The following OC90 variants were observed in gnomAD, a reference collection of about 807,000 sequenced individuals.
OC90 encodes the protein otoconin 90.
In OC90, 46 loss-of-function variants were observed where a neutral mutation model predicts 47.3. The ratio of observed to expected loss-of-function variants is 0.97; its 90% CI spans 0.77 to 1.24. The LOEUF (loss-of-function observed/expected upper bound fraction) is 1.24. Ranked by LOEUF, OC90 falls within the 50% of genes most tolerant of loss-of-function variation. OC90 has a pLI of 0.00. For synonymous variants in OC90, 271 were observed against 219.5 expected, an observed-to-expected ratio of 1.23 and a Z score of -2.07; for missense variants, 688 against 583.9, an observed-to-expected ratio of 1.18 and a Z score of -1.84.
chr8:132,034,842 C>T lies in OC90; in HGVS notation c.680-8G>A, dbSNP rs774098009. On this transcript the variant is annotated splice_polypyrimidine_tract_variant and splice_region_variant and intron_variant, in intron 9 of 13. Coordinates refer to ENST00000254627, the MANE Select transcript of OC90 (RefSeq NM_001080399.3). ...CCTGATCGTGGCCTGCTTCTGTTCCCCAAAGAAGAGAGACAGCATGAGCAT... is the reference window on the plus strand; with the variant it reads ...CCTGATCGTGGCCTGCTTCTGTTCCTCAAAGAAGAGAGACAGCATGAGCAT... The T allele has an allele frequency of 1.1e-5, 18 of 1,610,988 alleles. No homozygotes were observed. Among genetic ancestry groups the T allele is most frequent in the South Asian group, 2.2e-5 (2 of 90,760 alleles).
chr8:132,043,889 T>G (rs1041694251), intron 4 of OC90, among the ~76,000 whole-genome samples: 1 of 152,252 alleles, frequency 6.6e-6, no homozygotes, highest in Admixed American at 6.5e-5. Flanking sequence ...TCTTTGTTCA[T>G]GTCAATCATA....
intron 2 of OC90, 125 bp from the exon 3 acceptor site, chr8:132,046,008 T>G: frequency 1.5e-6 from 1 of 659,784 alleles, no homozygotes; most frequent in Admixed American, 2.4e-5. Flanking sequence ...TCCATGCATA[T>G]TTCCTAGAGC....
At chr8:132,050,777 G>T (rs1823201802) in intron 2 of OC90, among the ~76,000 whole-genome samples, 1 of 152,148 alleles carries the variant, frequency 6.6e-6, no homozygotes, top group African/African-American at 2.4e-5. Context: ...GAGGCAGGCA[G>T]ATCACCTGAG....
At position 132,034,793 on chromosome 8, in the gene OC90, T is replaced by C; in HGVS notation, c.721A>G (p.Thr241Ala). 6 of 1,612,316 alleles carry C rather than the reference T, an allele frequency of 3.7e-6. No individual in the cohort carries two copies. Among genetic ancestry groups the C allele is most frequent in the Non-Finnish European group, 5.1e-6 (6 of 1,178,716 alleles). The change falls in exon 10 of 14, where the codon ACG (threonine) becomes GCG (alanine). Residue 241 changes from threonine to alanine, a missense_variant. Thr to Ala is a moderately conservative substitution (Grantham distance 58). Coordinates refer to ENST00000254627, the MANE Select transcript of OC90 (RefSeq NM_001080399.3). ...DQEGVGAARA[T>A]SPPGSAEIVA... ...CCAGTAGGCTTACCTGGAGGGGACG[T>C]AGCCCTAGCAGCTCCCACTCCTTCC...
intron 12 of OC90, 66 bp downstream of exon 12, chr8:132,031,815 A>G (rs1040367627): frequency 2.8e-6 from 4 of 1,431,202 alleles, no homozygotes; most frequent in African/African-American, 1.4e-5. Context: ...GAGGGCTGTC[A>G]CCACCCTCTG....
At chr8:132,046,930 A>T (rs973083630) in intron 2 of OC90, among the ~76,000 whole-genome samples, 2 of 152,188 alleles carry the variant, frequency 1.3e-5, no homozygotes, top group African/African-American at 4.8e-5. Context: ...TCAGCTTCAC[A>T]TTATTGACAT....
intron 2 of OC90, among the ~76,000 whole-genome samples, chr8:132,050,288 G>C (rs1217658157): frequency 6.6e-6 from 1 of 152,182 alleles, no homozygotes; most frequent in Admixed American, 6.5e-5. Flanking sequence ...CCTCAGAGGG[G>C]TAAGTTGTGG....
chr8:132,029,867 C>T (rs915127322), intron 12 of OC90, among the ~76,000 whole-genome samples: 1 of 152,204 alleles, frequency 6.6e-6, no homozygotes, highest in Non-Finnish European at 1.5e-5. Context: ...CAATAGGGAG[C>T]TACAGTTGCT....
In OC90 at chr8:132,033,019, C is replaced by T; in HGVS notation, c.859+20G>A. 6.2e-7 allele frequency: 1 copy of T among 1,605,034 alleles called. No homozygotes were observed. The highest frequency in any genetic ancestry group is 8.5e-7 in the Non-Finnish European group (1 of 1,175,924). ...CAAAAGATCCCAGCAGCGGAGAGGA[C>T]AGACACTGCTTCTGCTCACCTTTTT... On this transcript the variant is annotated intron_variant, in intron 11 of 13. Transcript: ENST00000254627.
chr8:132,026,654 G>A (rs1213046827), intron 13 of OC90, among the ~76,000 whole-genome samples: 2 of 152,302 alleles, frequency 1.3e-5, no homozygotes, highest in African/African-American at 4.8e-5. Flanking sequence ...GTTTACTGAA[G>A]CTGTGAATCA....
chr8:132,044,345 T>C, intron 4 of OC90, 88 bp downstream of exon 4: 1 of 762,796 alleles, frequency 1.3e-6, no homozygotes, highest in Non-Finnish European at 2.3e-6. Flanking sequence ...GCTCCGAGGG[T>C]TGAGACCAAG....
In OC90 at chr8:132,029,051, A is replaced by G. The variant is rs150066502; in HGVS notation, c.1138+22T>C. 1.5e-5 allele frequency: 23 copies of G among 1,531,878 alleles called. No individual in the cohort carries two copies. The East Asian group carries it at 3.4e-4, about 22-fold the overall frequency. The allele number at this position is 1,531,878 out of a possible 1,614,324, so 94.9% of individuals were successfully genotyped here. On this transcript the variant is annotated intron_variant, in intron 13 of 13. Transcript: ENST00000254627. ...CTGACCTCAATGAAATAATAACTCA[A>G]TGTGCAACCAACAGCACTTACACTT... is the stretch of plus-strand genomic sequence containing the variant.
intron 10 of OC90, among the ~76,000 whole-genome samples, chr8:132,034,464 G>A (rs1031818861): frequency 6.6e-6 from 1 of 152,170 alleles, no homozygotes; most frequent in Non-Finnish European, 1.5e-5. Context: ...AGATCCCAGA[G>A]CCCAGTGTCT....
chr8:132,053,373 C>T (rs1360859328), intron 2 of OC90, among the ~76,000 whole-genome samples: 2 of 152,062 alleles, frequency 1.3e-5, no homozygotes, highest in Non-Finnish European at 2.9e-5. Context: ...ATAACAGAAA[C>T]CACAAGTTCA....
chr8:132,028,520 A>G lies in OC90; in HGVS notation c.1138+553T>C, dbSNP rs187773881. On this transcript the variant is annotated intron_variant, in intron 13 of 13. Transcript: ENST00000254627. ...CATCAAGAAAGAAAAAGAAAAAGAA[A>G]GAAAGAAAAGAAAGAAAGAAAGAAA... 2.8e-5 allele frequency among the ~76,000 whole-genome samples: 4 copies of G among 140,518 alleles called. No homozygotes were observed. In the East Asian group the frequency reaches 8.3e-4, roughly 29 times the overall value. The allele number at this position is 140,518 out of a possible 152,430, so 92.2% of individuals were successfully genotyped here.
rs913695187 is a variant in OC90 at position 132,041,567 on chromosome 8, C to T, written c.302G>A (p.Cys101Tyr). 5.0e-6 allele frequency: 8 copies of T among 1,613,216 alleles called. No homozygotes were observed. In the African/African-American group the frequency reaches 9.4e-5, roughly 19 times the overall value. Reference sequence around the variant, plus strand: ...AGGCAACCCTTCCATCTCAAACCTGCAGGTGCAACCATAGTCTTCAAAGTC... The same window carrying T: ...AGGCAACCCTTCCATCTCAAACCTGTAGGTGCAACCATAGTCTTCAAAGTC... ...PRDFEDYGCT[C>Y]RFEMEGLPVD... Residue 101 changes from cysteine to tyrosine, a missense_variant, in exon 5 of 14, where the codon TGC becomes TAC. Transcript: ENST00000254627.
intron 6 of OC90, 41 bp from the exon 7 acceptor site, chr8:132,039,164 C>G: frequency 1.3e-6 from 2 of 1,560,866 alleles, no homozygotes; most frequent in Non-Finnish European, 1.7e-6. Flanking sequence ...AAGATCTCAG[C>G]TGGAATCCCA....
intron 3 of OC90, 32 bp from the exon 4 acceptor site, chr8:132,044,521 T>G (rs1274141089): frequency 7.6e-7 from 1 of 1,312,936 alleles, no homozygotes; most frequent in Admixed American, 2.0e-5. Context: ...AATGAGAGTC[T>G]TGGTTTTTCC....
At chr8:132,044,344 G>T in intron 4 of OC90, 89 bp downstream of exon 4, 1 of 760,826 alleles carries the variant, frequency 1.3e-6, no homozygotes, top group Non-Finnish European at 2.3e-6. Context: ...AGCTCCGAGG[G>T]TTGAGACCAA....
Sources: allele counts gnomAD v4.1 joint callset (sites outside exome capture counted in the v4.1 genomes callset), GRCh38; gene constraint gnomAD v4.1.1; transcripts MANE v1.5; gene names NCBI Gene and HGNC (gene_info 2026-07-23, HGNC 2026-07-21).